The following ODF2L variants were observed in gnomAD, a reference collection of about 807,000 sequenced individuals.
ODF2L encodes the protein outer dense fiber of sperm tails 2 like, also known as protein BCAP.
In ODF2L, 76 loss-of-function variants were observed where a neutral mutation model predicts 86.3. That is an observed-to-expected ratio of 0.88 (90% confidence interval 0.73 to 1.07). The LOEUF (loss-of-function observed/expected upper bound fraction) is 1.07. ODF2L is among the 50% of genes least tolerant of loss of function. The pLI, the probability that ODF2L is intolerant of heterozygous loss-of-function variation, is 0.00. For synonymous variants in ODF2L, 241 were observed against 231.3 expected (o/e 1.04, Z -0.38); for missense variants, 748 against 717.4 (o/e 1.04, Z -0.49).
chr1:86,349,024 C>G (rs968519907), downstream of ODF2L: 1 of 711,630 alleles, frequency 1.4e-6, no homozygotes, highest in East Asian at 4.2e-5. Context: ...TGTGTTCATT[C>G]TTAGAGCTCA....
intron 7 of ODF2L, among the ~76,000 whole-genome samples, chr1:86,376,697 C>G (rs1318542981): frequency 6.6e-6 from 1 of 152,052 alleles, no homozygotes; most frequent in African/African-American, 2.4e-5. Flanking sequence ...GAGTGAGGAG[C>G]AAAGGGGGAA....
rs1658410185 is a variant in ODF2L at position 86,354,759 on chromosome 1, T to C, written c.1604+15A>G. The C allele has an allele frequency of 6.4e-7, 1 of 1,556,580 alleles. No individual in the cohort carries two copies. The highest frequency in any genetic ancestry group is 8.8e-7 in the Non-Finnish European group (1 of 1,130,120). ...AGAAATATGCAGCAGCAATGTTAAGTAATTTAATACTTACTGTTGAAGGTT... is the reference window on the plus strand; with the variant it reads ...AGAAATATGCAGCAGCAATGTTAAGCAATTTAATACTTACTGTTGAAGGTT... On this transcript the variant is annotated intron_variant, in intron 15 of 17. Coordinates refer to ENST00000317336, the Ensembl canonical transcript of ODF2L.
chr1:86,361,322 T>C (rs1332915486), intron 11 of ODF2L, among the ~76,000 whole-genome samples: 1 of 152,190 alleles, frequency 6.6e-6, no homozygotes, highest in Non-Finnish European at 1.5e-5. Flanking sequence ...GGCAACTGTA[T>C]ATGCAGTCAA....
At chr1:86,358,840 A>T in exon 13 of ODF2L, 2 of 1,551,890 alleles carry the variant, frequency 1.3e-6, no homozygotes, top group Non-Finnish European at 1.7e-6. Context: ...TTATGTAGCA[A>T]ATTTTCACAT....
In ODF2L at chr1:86,368,263, CTTA is replaced by C. The variant is rs527739196; in HGVS notation, c.1143+370_1143+372del. On this transcript the variant is annotated intron_variant, in intron 11 of 17. Transcript: ENST00000317336. ...AGCTTCCTCTATCAAACTACCTTCA[CTTA>C]TTTTTTTGAAAGTATAAAGTTATAT... Among the ~76,000 whole-genome samples the C allele has an allele frequency of 5.9e-5, 9 of 152,216 alleles. No individual in the cohort carries two copies. In the South Asian group the frequency reaches 8.3e-4, roughly 14 times the overall value.
At chr1:86,371,107 C>T in exon 10 of ODF2L, 2 of 1,546,026 alleles carry the variant, frequency 1.3e-6, no homozygotes, top group South Asian at 1.2e-5. Context: ...GAATTTTTTC[C>T]ATGGTCTTCC....
chr1:86,392,754 A>G lies in ODF2L; in HGVS notation c.-60+3279T>C, dbSNP rs1570447249. Among the ~76,000 whole-genome samples the G allele has an allele frequency of 2.0e-5, 3 of 152,162 alleles. No individual in the cohort carries two copies. The East Asian group carries it at 5.8e-4, about 29-fold the overall frequency. ...TGGGTGCACCAAAATCTCACAAATC[A>G]CCACTCAAGAACTCACTCATGTAAC... is the stretch of plus-strand genomic sequence containing the variant. On this transcript the variant is annotated intron_variant, in intron 1 of 17. Transcript: ENST00000317336.
chr1:86,369,107 C>G lies in ODF2L; in HGVS notation c.1057-385G>C, dbSNP rs549910354. ...TATATTCTTCACTCAAAAGATAATA[C>G]TGAATAAATTGTCAGAAGTTGGAAG... On this transcript the variant is annotated intron_variant, in intron 10 of 17. Transcript: ENST00000317336. 3.2e-4 allele frequency among the ~76,000 whole-genome samples: 48 copies of G among 152,112 alleles called. 1 individual carries two copies. The South Asian group carries it at 9.7e-3, about 31-fold the overall frequency.
At chr1:86,348,757 A>T, downstream of ODF2L, 2 of 1,492,272 alleles carry the variant, frequency 1.3e-6, no homozygotes, top group African/African-American at 2.9e-5. Context: ...AATTTATTCA[A>T]ACATTGTTAC....
chr1:86,384,655 T>A, intron 4 of ODF2L, 21 bp downstream of exon 4: 1 of 1,353,680 alleles, frequency 7.4e-7, no homozygotes, highest in Non-Finnish European at 9.7e-7. Flanking sequence ...TTAAAATGAG[T>A]GCTTAGTGTT....
At chr1:86,358,756 A>C in intron 13 of ODF2L, 31 bp downstream of exon 12, 3 of 907,980 alleles carry the variant, frequency 3.3e-6, no homozygotes, top group East Asian at 5.8e-5. Flanking sequence ...AAAATATATA[A>C]AATATTATTT....
At chr1:86,392,407 C>A (rs1416262020) in intron 1 of ODF2L, among the ~76,000 whole-genome samples, 1 of 151,698 alleles carries the variant, frequency 6.6e-6, no homozygotes, top group African/African-American at 2.4e-5. Context: ...AACACAATGT[C>A]CATCAAACAA....
intron 11 of ODF2L, 93 bp from the exon 11 acceptor site, chr1:86,360,629 C>T (rs577381284): frequency 1.8e-6 from 1 of 554,922 alleles, no homozygotes; most frequent in East Asian, 3.1e-5. Context: ...CATGTATTAA[C>T]AAAGTTGATA....
chr1:86,384,556 C>G (rs1399039648), intron 4 of ODF2L, 120 bp downstream of exon 4: 18 of 602,328 alleles, frequency 3.0e-5, no homozygotes, highest in Non-Finnish European at 4.4e-5. Context: ...TAATGACTGA[C>G]AAAATTCAAA....
chr1:86,372,565 T>C, intron 8 of ODF2L, 25 bp from the exon 9 acceptor site: 2 of 1,209,618 alleles, frequency 1.7e-6, no homozygotes, highest in South Asian at 1.6e-5. Context: ...AAAGTATTCA[T>C]ACTATAATTT....
chr1:86,368,695 A>T, exon 11 of ODF2L: 1 of 1,450,216 alleles, frequency 6.9e-7, no homozygotes, highest in South Asian at 1.5e-5. Flanking sequence ...ATATTCTTTG[A>T]CTCAGTAATT....
At chr1:86,359,521 T>C (rs868026572) in intron 12 of ODF2L, among the ~76,000 whole-genome samples, 2 of 23,838 alleles carry the variant, frequency 8.4e-5, no homozygotes, top group South Asian at 1.8e-3. Context: ...AGTTCATTCT[T>C]TTTTTTTTTT....
Position 86,384,707 on chromosome 1 carries a change from TC to T in ODF2L, c.340del (p.Glu114AsnfsTer21). ...GTAGTCTCTCTTTCTAAGAAGATGTTCTAAAGCTAGTTTTACACTTTTGAAG... is the reference window on the plus strand; with the variant it reads ...GTAGTCTCTCTTTCTAAGAAGATGTTTAAAGCTAGTTTTACACTTTTGAAG... On this transcript the variant is annotated frameshift_variant, in exon 4 of 18. Transcript: ENST00000317336. LOFTEE classifies it high-confidence loss of function. 1 of 1,528,114 alleles carries T rather than the reference TC, an allele frequency of 6.5e-7. No individual in the cohort carries two copies. The highest frequency in any genetic ancestry group is 8.8e-7 in the Non-Finnish European group (1 of 1,139,458). 94.7% of individuals were successfully genotyped at this position (1,528,114 alleles called of 1,614,324 possible). A position where few individuals can be genotyped will look rare whatever the true frequency, so the allele number is the denominator to read the frequency against.
intron 16 of ODF2L, among the ~76,000 whole-genome samples, chr1:86,353,402 T>C (rs1658296122): frequency 6.6e-6 from 1 of 152,166 alleles, no homozygotes; most frequent in Non-Finnish European, 1.5e-5. Flanking sequence ...GGAATTGGTA[T>C]ACACACTTCC....
Sources: allele counts gnomAD v4.1 joint callset (sites outside exome capture counted in the v4.1 genomes callset), GRCh38; gene constraint gnomAD v4.1.1; transcripts MANE v1.5; gene names NCBI Gene and HGNC (gene_info 2026-07-23, HGNC 2026-07-21).